The following RBFOX1 variants were observed in gnomAD, a reference collection of about 807,000 sequenced individuals.
RBFOX1 encodes RNA binding fox-1 homolog 1.
A neutral mutation model predicts 57.7 loss-of-function variants in RBFOX1; 8 were observed. The observed-to-expected ratio is 0.14, with a 90% CI of 0.08 to 0.25. The LOEUF (loss-of-function observed/expected upper bound fraction) is 0.25. RBFOX1 is among the 10% of genes least tolerant of loss of function. The pLI is 1.00. For synonymous variants in RBFOX1, 326 were observed against 222.4 expected (o/e 1.47, Z -4.15); for missense variants, 611 against 548.5 (o/e 1.11, Z -1.14).
At position 5,469,143 on chromosome 16, in the gene RBFOX1, G is replaced by C. The variant is rs2069049930; in HGVS notation, c.258+1889G>C. ...TGTTGCCTCCTCTTCTGCTGCTTTG[G>C]AGAGCATGGAGCAGGTGGTGGAGGG... On this transcript the variant is annotated intron_variant, in intron 2 of 2. Transcript: ENST00000585867. Among the ~76,000 whole-genome samples, 3 of 152,182 alleles carry C rather than the reference G, an allele frequency of 2.0e-5. No individual in the cohort carries two copies. In the South Asian group the frequency reaches 6.2e-4, roughly 32 times the overall value.
intron 4 of RBFOX1, among the ~76,000 whole-genome samples, chr16:7,443,378 C>T (rs1481082168): frequency 2.6e-5 from 4 of 151,922 alleles, no homozygotes; most frequent in Non-Finnish European, 5.9e-5. Flanking sequence ...CACTCTCTTT[C>T]ACATTAATCA....
chr16:6,065,876 G>A (rs771452728), intron 1 of RBFOX1, among the ~76,000 whole-genome samples: 11 of 152,146 alleles, frequency 7.2e-5, no homozygotes, highest in African/African-American at 9.7e-5. Flanking sequence ...TTTTGCCTCC[G>A]AGGACTAGGG....
intron 5 of RBFOX1, among the ~76,000 whole-genome samples, chr16:7,526,093 A>G (rs1823977106): frequency 6.6e-6 from 1 of 152,202 alleles, no homozygotes; most frequent in Admixed American, 6.5e-5. Flanking sequence ...AGATTCTCAG[A>G]GAAGCGTGAA....
chr16:6,730,835 G>A (rs977429464), intron 3 of RBFOX1, among the ~76,000 whole-genome samples: 15 of 152,246 alleles, frequency 9.9e-5, no homozygotes, highest in Admixed American at 7.2e-4. Context: ...GAGCAGAGCC[G>A]CAAGGGGACT....
Position 5,724,186 on chromosome 16 carries a change from G to T in RBFOX1, c.318+125225G>T, listed in dbSNP as rs576200133. ...GAGAATGTTTTTTCCTGAGTGGCAA[G>T]ATATTCTTTGGAGCAGTGTCCTGAG... On this transcript the variant is annotated intron_variant, in intron 3 of 19. Coordinates refer to the RBFOX1 transcript ENST00000641259. Among the ~76,000 whole-genome samples, 27 of 152,296 alleles carry T rather than the reference G, an allele frequency of 1.8e-4. No homozygotes were observed. The South Asian group carries it at 5.2e-3, about 29-fold the overall frequency.
chr16:6,598,993 T>C (rs1292992727), intron 2 of RBFOX1, among the ~76,000 whole-genome samples: 1 of 152,050 alleles, frequency 6.6e-6, no homozygotes, highest in Admixed American at 6.5e-5. Context: ...CATCCCAGTG[T>C]CAGCACGTAA....
intron 3 of RBFOX1, among the ~76,000 whole-genome samples, chr16:6,741,990 G>C (rs1027655060): frequency 7.2e-5 from 11 of 152,088 alleles, no homozygotes; most frequent in African/African-American, 2.4e-4. Flanking sequence ...GATTTCAAAT[G>C]TTTTCACCAC....
chr16:7,223,764 G>A (rs1374446553), intron 4 of RBFOX1, among the ~76,000 whole-genome samples: 1 of 150,584 alleles, frequency 6.6e-6, no homozygotes, highest in African/African-American at 2.4e-5. Flanking sequence ...GTGGATTTCT[G>A]GCAAAGTTTT....
chr16:5,333,636 A>G (rs965516436), intron 1 of RBFOX1, among the ~76,000 whole-genome samples: 1 of 152,170 alleles, frequency 6.6e-6, no homozygotes, highest in Non-Finnish European at 1.5e-5. Context: ...AATGACGGGG[A>G]CGTGTTCTGA....
intron 3 of RBFOX1, among the ~76,000 whole-genome samples, chr16:6,862,362 G>A (rs527513656): frequency 1.3e-5 from 2 of 152,260 alleles, no homozygotes; most frequent in Non-Finnish European, 2.9e-5. Flanking sequence ...AGCACATTTT[G>A]AACACCAAGG....
chr16:5,629,078 C>T (rs541476253), intron 3 of RBFOX1, among the ~76,000 whole-genome samples: 4 of 150,180 alleles, frequency 2.7e-5, no homozygotes, highest in African/African-American at 9.7e-5. Context: ...AGTAAGCAAT[C>T]AAGAGAAAAG....
At chr16:7,532,828 A>C (rs1239998798) in intron 5 of RBFOX1, among the ~76,000 whole-genome samples, 1 of 152,198 alleles carries the variant, frequency 6.6e-6, no homozygotes, top group African/African-American at 2.4e-5. Flanking sequence ...TGGCCCACAG[A>C]GCCAAAATTA....
chr16:6,125,121 G>T (rs1415525284), intron 1 of RBFOX1, among the ~76,000 whole-genome samples: 1 of 152,144 alleles, frequency 6.6e-6, no homozygotes, highest in Non-Finnish European at 1.5e-5. Flanking sequence ...GCTCACACAA[G>T]CCTCTGGATG....
At chr16:6,522,020 T>C (rs1175705893) in intron 2 of RBFOX1, among the ~76,000 whole-genome samples, 1 of 152,184 alleles carries the variant, frequency 6.6e-6, no homozygotes, top group African/African-American at 2.4e-5. Flanking sequence ...GCCAAATATT[T>C]GTTTTCTAAT....
chr16:5,823,751 G>C (rs28672707), intron 3 of RBFOX1, among the ~76,000 whole-genome samples: 10,585 of 152,174 alleles, frequency 0.07, 855 homozygotes, highest in African/African-American at 0.2. Flanking sequence ...TTTAATGCCC[G>C]ATGATCTGTC....
chr16:5,340,629 G>C, intron 1 of RBFOX1, among the ~76,000 whole-genome samples: 1 of 152,158 alleles, frequency 6.6e-6, no homozygotes, highest in East Asian at 1.9e-4. Flanking sequence ...GGCTTTTGCT[G>C]GTAGGAAACT....
intron 1 of RBFOX1, among the ~76,000 whole-genome samples, chr16:6,198,477 A>T (rs1298920538): frequency 6.6e-6 from 1 of 152,192 alleles, no homozygotes; most frequent in African/African-American, 2.4e-5. Context: ...GTTAAAATAG[A>T]GGACAATGAA....
At chr16:6,009,718 C>A (rs1013403494) in intron 4 of RBFOX1, among the ~76,000 whole-genome samples, 1 of 151,942 alleles carries the variant, frequency 6.6e-6, no homozygotes, top group African/African-American at 2.4e-5. Flanking sequence ...CAAGCCTATC[C>A]ACAAGTTATT....
At chr16:7,179,473 C>T (rs1424676942) in intron 4 of RBFOX1, among the ~76,000 whole-genome samples, 1 of 152,130 alleles carries the variant, frequency 6.6e-6, no homozygotes, top group East Asian at 1.9e-4. Flanking sequence ...TACGGTTCAC[C>T]AAAATCTGTG....
Sources: gnomAD v4.1 joint callset for allele counts (sites outside exome capture counted in the v4.1 genomes callset) on GRCh38, gnomAD v4.1.1 for gene constraint, MANE v1.5 for transcripts, NCBI Gene and HGNC (gene_info 2026-07-23, HGNC 2026-07-21) for gene names.